The following ERMP1 variants were observed in gnomAD, a reference collection of about 807,000 sequenced individuals.
ERMP1 encodes the protein Felix-ina.
In ERMP1, 86 loss-of-function variants were observed where a neutral mutation model predicts 92.0. That is an observed-to-expected ratio of 0.93 (90% confidence interval 0.79 to 1.12). The LOEUF (loss-of-function observed/expected upper bound fraction) is 1.12. Ranked by LOEUF, ERMP1 falls within the 50% of genes most tolerant of loss-of-function variation. The pLI, the probability that ERMP1 is intolerant of heterozygous loss-of-function variation, is 0.00. For missense variants in ERMP1, 1,342 were observed against 1,116.3 expected (o/e 1.20, Z -2.88); for synonymous variants, 530 against 412.8 (o/e 1.28, Z -3.44).
intron 2 of ERMP1, among the ~76,000 whole-genome samples, chr9:5,829,308 T>G (rs1042120451): frequency 2.6e-5 from 4 of 152,108 alleles, no homozygotes; most frequent in African/African-American, 9.7e-5. Context: ...GTGTGTATAC[T>G]GATTTTTGAA....
chr9:5,828,081 A>G (rs1208374190), intron 2 of ERMP1, among the ~76,000 whole-genome samples: 1 of 152,208 alleles, frequency 6.6e-6, no homozygotes, highest in Admixed American at 6.5e-5. Flanking sequence ...AGGTAGAATA[A>G]TCACTTAAGG....
chr9:5,825,376 C>T (rs1360336321), intron 2 of ERMP1, among the ~76,000 whole-genome samples, 157 bp from the exon 3 acceptor site: 1 of 152,190 alleles, frequency 6.6e-6, no homozygotes, highest in Non-Finnish European at 1.5e-5. Flanking sequence ...ATCACACCCA[C>T]CAGCAGTAAG....
intron 13 of ERMP1, among the ~76,000 whole-genome samples, chr9:5,794,171 G>T (rs1828316376): frequency 6.6e-6 from 1 of 151,916 alleles, no homozygotes; most frequent in African/African-American, 2.4e-5. Flanking sequence ...GGAGATTAAA[G>T]AACACACTTC....
rs143307519 is a variant in ERMP1 at position 5,807,127 on chromosome 9, G to C, written c.1549-1342C>G. 3.7e-3 allele frequency among the ~76,000 whole-genome samples: 565 copies of C among 152,138 alleles called. 1 individual carries two copies. The highest frequency in any genetic ancestry group is 6.8e-3 in the Non-Finnish European group (465 of 67,976). On this transcript the variant is annotated intron_variant, in intron 8 of 14. Coordinates refer to ENST00000339450, the MANE Select transcript of ERMP1 (RefSeq NM_024896.3). ...CAAACTGCACCAAAGATAAAACATCGCTCGAATCTATTTTCCTCCTCACCT... is the reference window on the plus strand; with the variant it reads ...CAAACTGCACCAAAGATAAAACATCCCTCGAATCTATTTTCCTCCTCACCT...
chr9:5,831,505 G>C (rs992336271), intron 1 of ERMP1, among the ~76,000 whole-genome samples: 1 of 152,144 alleles, frequency 6.6e-6, no homozygotes, highest in Non-Finnish European at 1.5e-5. Flanking sequence ...CTACTCAAGA[G>C]GCTGAGGTGG....
At position 5,833,079 on chromosome 9, in the gene ERMP1, G is replaced by C. The variant is rs780035725; in HGVS notation, c.-52C>G. 1 of 1,382,636 alleles carries C rather than the reference G, an allele frequency of 7.2e-7. No individual in the cohort carries two copies. Among genetic ancestry groups the C allele is most frequent in the Non-Finnish European group, 9.3e-7 (1 of 1,072,068 alleles). The allele number at this position is 1,382,636 out of a possible 1,614,324, so 85.6% of individuals were successfully genotyped here. ...ACCGCCCCAACCCGCGACAGCCCCG[G>C]CCGCCGCCGACGCCGCCGTCGCTGC... On this transcript the variant is annotated 5_prime_UTR_variant, in exon 1 of 15. Coordinates refer to ENST00000339450, the MANE Select transcript of ERMP1 (RefSeq NM_024896.3).
intron 6 of ERMP1, among the ~76,000 whole-genome samples, chr9:5,842,988 G>A (rs1381045859): frequency 1.3e-5 from 2 of 152,210 alleles, no homozygotes; most frequent in African/African-American, 4.8e-5. Flanking sequence ...GCTCCACAAA[G>A]TTGTGAGCCC....
chr9:5,830,919 G>C lies in ERMP1; in HGVS notation c.448C>G (p.Gln150Glu), dbSNP rs1485636624. Residue 150 changes from glutamine to glutamate, a missense_variant, in exon 2 of 15, where the codon CAA (glutamine) becomes GAA (glutamate). Gln to Glu is a conservative substitution (Grantham distance 29). Coordinates refer to ENST00000339450, the MANE Select transcript of ERMP1 (RefSeq NM_024896.3). ...LLEQIKLIEV[Q>E]SNSLHKISVD... ...GAAATCTTATGAAGGCTGTTGCTTTGCACTTCAATCAGTTTAATCTGTTCC... is the reference window on the plus strand; with the variant it reads ...GAAATCTTATGAAGGCTGTTGCTTTCCACTTCAATCAGTTTAATCTGTTCC... 1 of 1,614,026 alleles carries C rather than the reference G, an allele frequency of 6.2e-7. No individual in the cohort carries two copies. The highest frequency in any genetic ancestry group is 1.1e-5 in the South Asian group (1 of 91,084).
intron 3 of ERMP1, among the ~76,000 whole-genome samples, chr9:5,824,889 G>T (rs113018991): frequency 3.2e-4 from 48 of 152,258 alleles, no homozygotes; most frequent in African/African-American, 1.2e-3. Context: ...TCTGCTAAGT[G>T]GAGTTTTCCA....
At chr9:5,821,234 G>A (rs1255412413) in intron 4 of ERMP1, among the ~76,000 whole-genome samples, 2 of 152,128 alleles carry the variant, frequency 1.3e-5, no homozygotes, top group Admixed American at 6.6e-5. Flanking sequence ...AGAAAGTAGT[G>A]CATTAATGAC....
chr9:5,797,883 G>C lies in ERMP1; in HGVS notation c.2320C>G (p.His774Asp). 5 of 1,613,864 alleles carry C rather than the reference G, an allele frequency of 3.1e-6. No homozygotes were observed. The highest frequency in any genetic ancestry group is 1.3e-5 in the African/African-American group (1 of 75,028). Residue 774 changes from histidine (H) to aspartate (D), a missense_variant, in exon 13 of 15, where the codon CAT becomes GAT. Coordinates refer to ENST00000339450, the MANE Select transcript of ERMP1 (RefSeq NM_024896.3). ...APEVSPRNPP[H>D]FRLISKEQTP... ...TGTTCTTTGGATATGAGTCGGAAAT[G>C]AGGAGGATTTCTTGGAGAAACTTCT...
chr9:5,813,059 A>T, intron 4 of ERMP1, 24 bp from the exon 5 acceptor site: 1 of 1,604,664 alleles, frequency 6.2e-7, no homozygotes, highest in Non-Finnish European at 8.5e-7. Context: ...TGACAACACA[A>T]TAGAAGGTAT....
chr9:5,838,621 T>C (rs1049674662), intron 6 of ERMP1, among the ~76,000 whole-genome samples: 2 of 151,662 alleles, frequency 1.3e-5, no homozygotes, highest in Admixed American at 1.3e-4. Flanking sequence ...TTTCAAAAAA[T>C]GCAAAAGGAT....
Position 5,784,824 on chromosome 9 carries a change from C to G in ERMP1, c.*2320G>C, listed in dbSNP as rs1408255449. 6.6e-6 allele frequency: 1 copy of G among 152,612 alleles called. No individual in the cohort carries two copies. Among genetic ancestry groups the G allele is most frequent in the Non-Finnish European group, 1.5e-5 (1 of 68,046 alleles). The allele number at this position is 152,612 out of a possible 1,614,324, so 9.5% of individuals were successfully genotyped here. ...ACACAAGAACGAACTATTTTGAAAT[C>G]AATTCCTCACACTTTTTCCCTGAAT... On this transcript the variant is annotated 3_prime_UTR_variant, in exon 15 of 15. Transcript: ENST00000339450.
At chr9:5,812,638 G>A (rs1829139733) in intron 5 of ERMP1, 5 of 515,190 alleles carry the variant, frequency 9.7e-6, no homozygotes, top group South Asian at 2.2e-5. Context: ...ACCATCTTTT[G>A]GGAATGAGGT....
chr9:5,789,847 C>CTTCT (rs1828101093), intron 13 of ERMP1, among the ~76,000 whole-genome samples: 1 of 136,646 alleles, frequency 7.3e-6, no homozygotes, highest in South Asian at 2.3e-4. Flanking sequence ...CAAACCTGGC[C>CTTCT]TTTTTTTTTT....
chr9:5,810,814 G>C (rs1211348038), intron 7 of ERMP1, among the ~76,000 whole-genome samples: 1 of 152,160 alleles, frequency 6.6e-6, no homozygotes, highest in African/African-American at 2.4e-5. Flanking sequence ...CTATTGGTCT[G>C]TAGTGTGGAC....
chr9:5,842,041 G>T (rs1586835341), intron 6 of ERMP1, among the ~76,000 whole-genome samples: 1 of 151,938 alleles, frequency 6.6e-6, no homozygotes, highest in Non-Finnish European at 1.5e-5. Flanking sequence ...CCTTCACAGT[G>T]AGCGTTACAG....
In ERMP1 at chr9:5,832,855, C is replaced by A; in HGVS notation, c.173G>T (p.Gly58Val). The A allele has an allele frequency of 6.6e-7, 1 of 1,511,356 alleles. No individual in the cohort carries two copies. Among genetic ancestry groups the A allele is most frequent in the Non-Finnish European group, 8.8e-7 (1 of 1,138,438 alleles). The allele number at this position is 1,511,356 out of a possible 1,614,324, so 93.6% of individuals were successfully genotyped here. A position where few individuals can be genotyped will look rare whatever the true frequency, so the allele number is the denominator to read the frequency against. Reference protein sequence around the residue: ...RTRKRSPGGSGGASRGAGTGL... With the variant: ...RTRKRSPGGSVGASRGAGTGL... ...GGTCCCCGCGCCCCTGCTCGCGCCG[C>A]CGCTACCCCCGGGGCTCCTCTTCCG... Residue 58 changes from glycine (G) to valine (V), a missense_variant, in exon 1 of 15, where the codon GGC becomes GTC. By Grantham distance (109) the Gly-to-Val change is moderately radical. Coordinates refer to ENST00000339450, the MANE Select transcript of ERMP1 (RefSeq NM_024896.3).
Sources: gnomAD v4.1 joint callset for allele counts (sites outside exome capture counted in the v4.1 genomes callset) on GRCh38, gnomAD v4.1.1 for gene constraint, MANE v1.5 for transcripts, NCBI Gene and HGNC (gene_info 2026-07-23, HGNC 2026-07-21) for gene names.